Variants in CPAMD8 observed in about 807,000 individuals in gnomAD.
CPAMD8 encodes the protein C3 and PZP like alpha-2-macroglobulin domain containing 8, also known as C3 and PZP-like alpha-2-macroglobulin domain-containing protein 8.
In CPAMD8, 146 loss-of-function variants were observed where a neutral mutation model predicts 224.7. The observed-to-expected ratio is 0.65, with a 90% confidence interval of 0.57 to 0.75. The LOEUF (loss-of-function observed/expected upper bound fraction) is 0.75, where lower values mean the gene tolerates loss of function less well. Ranked by LOEUF, CPAMD8 falls within the 30% of genes least tolerant of loss-of-function variation. The pLI, the probability that CPAMD8 is intolerant of heterozygous loss-of-function variation, is 0.00. For missense variants in CPAMD8, 2,301 were observed against 2,537.5 expected (o/e 0.91, Z 2.00); for synonymous variants, 966 against 1,044.6 (o/e 0.92, Z 1.45).
At chr19:16,961,856 T>G (rs1568533030) in intron 18 of CPAMD8, among the ~76,000 whole-genome samples, 1 of 152,182 alleles carries the variant, frequency 6.6e-6, no homozygotes, top group Non-Finnish European at 1.5e-5. Flanking sequence ...TTCTGCAATA[T>G]TTGCTGTTCT....
chr19:16,955,436 A>T (rs887113039), intron 19 of CPAMD8, among the ~76,000 whole-genome samples: 5 of 152,196 alleles, frequency 3.3e-5, no homozygotes, highest in African/African-American at 9.6e-5. Context: ...AGAATAGTCA[A>T]ACTCAGAGAC....
Position 16,938,389 on chromosome 19 carries a change from A to G in CPAMD8, c.2845+6T>C. Reference sequence around the variant, plus strand: ...CACCTTAGCAGAATGGGCACGGGGGACTCACCACTGGGACAGAAGAATGCG... The same window carrying G: ...CACCTTAGCAGAATGGGCACGGGGGGCTCACCACTGGGACAGAAGAATGCG... On this transcript the variant is annotated splice_donor_region_variant and intron_variant, in intron 23 of 41. Transcript: ENST00000443236. The G allele has an allele frequency of 1.3e-6, 2 of 1,532,850 alleles. No homozygotes were observed. Among genetic ancestry groups the G allele is most frequent in the Non-Finnish European group, 1.8e-6 (2 of 1,140,188 alleles). 95.0% of individuals were successfully genotyped at this position (1,532,850 alleles called of 1,614,324 possible).
chr19:16,977,284 G>A, intron 15 of CPAMD8, 84 bp downstream of exon 15: 2 of 826,894 alleles, frequency 2.4e-6, no homozygotes, highest in Non-Finnish European at 4.1e-6. Flanking sequence ...TGAGTCTCAG[G>A]TGTGCACAGA....
intron 7 of CPAMD8, among the ~76,000 whole-genome samples, chr19:17,007,535 A>T (rs1051255183): frequency 6.6e-5 from 10 of 151,954 alleles, no homozygotes; most frequent in Admixed American, 2.0e-4. Flanking sequence ...AGGAAGATGA[A>T]GAAGAAGAAA....
At position 16,914,607 on chromosome 19, in the gene CPAMD8, C is replaced by T. The variant is rs2052866061; in HGVS notation, c.3786+50G>A. The T allele has an allele frequency of 3.7e-6, 6 of 1,613,288 alleles. No individual in the cohort carries two copies. In the East Asian group the frequency reaches 8.9e-5, roughly 24 times the overall value. On this transcript the variant is annotated intron_variant, in intron 28 of 41. Coordinates refer to ENST00000443236, the MANE Select transcript of CPAMD8 (RefSeq NM_015692.5). Reference sequence around the variant, plus strand: ...AGGAACAGGCAGGTCAGGGCTGGGGCTCTGGGAGGAGGTGAGGGGCCCGGG... The same window carrying T: ...AGGAACAGGCAGGTCAGGGCTGGGGTTCTGGGAGGAGGTGAGGGGCCCGGG...
chr19:16,988,532 C>A (rs1462010243), intron 13 of CPAMD8, among the ~76,000 whole-genome samples: 2 of 152,060 alleles, frequency 1.3e-5, no homozygotes, highest in African/African-American at 4.8e-5. Flanking sequence ...ATCACTTGAA[C>A]CCTGGAGACG....
rs45485597 is a variant in CPAMD8, at chr19:16,914,501, G to A, written c.3787-3C>T. 117,787 of 1,613,372 alleles carry A rather than the reference G, an allele frequency of 0.073. 7,630 individuals are homozygous for A. The highest frequency in any genetic ancestry group is 0.33 in the African/African-American group (24,716 of 74,892). On this transcript the variant is annotated splice_region_variant and splice_polypyrimidine_tract_variant and intron_variant, in intron 28 of 41. Transcript: ENST00000443236. ...GGGACAGTGCCGTGGATCCCACCCTGCAAGGGGACTCACAGGCCTCACCCT... is the reference window on the plus strand; with the variant it reads ...GGGACAGTGCCGTGGATCCCACCCTACAAGGGGACTCACAGGCCTCACCCT...
rs1331312930 is a variant in CPAMD8, at chr19:16,942,989, ACTTTTTT to A, written c.2793+2553_2793+2559del. ...TACACCATGTGGCCTTTTGTGTTTG[ACTTTTTT>A]CTTTTTTCTTTTTTCTTTTTTTTTT... On this transcript the variant is annotated intron_variant, in intron 22 of 41. Coordinates refer to ENST00000443236, the MANE Select transcript of CPAMD8 (RefSeq NM_015692.5). 9.7e-3 allele frequency among the ~76,000 whole-genome samples: 1,395 copies of A among 144,272 alleles called. 8 individuals carry two copies. The highest frequency in any genetic ancestry group is 0.017 in the African/African-American group (649 of 38,594). The allele number at this position is 144,272 out of a possible 152,430, so 94.6% of individuals were successfully genotyped here.
chr19:16,944,389 C>A (rs560425714), intron 22 of CPAMD8, among the ~76,000 whole-genome samples: 1 of 152,190 alleles, frequency 6.6e-6, no homozygotes, highest in Non-Finnish European at 1.5e-5. Flanking sequence ...GACAGTTCTG[C>A]GGCATGGATG....
rs2051973825 is a variant in CPAMD8 at position 16,896,161 on chromosome 19, G to T, written c.5426+15C>A. ...AGCCTATGTCTCTTATCTCTGGGGTGGGCCCAGCTGTTACCTGTCCTCCGC... is the reference window on the plus strand; with the variant it reads ...AGCCTATGTCTCTTATCTCTGGGGTTGGCCCAGCTGTTACCTGTCCTCCGC... On this transcript the variant is annotated intron_variant, in intron 41 of 41. Coordinates refer to ENST00000443236, the MANE Select transcript of CPAMD8 (RefSeq NM_015692.5). 2 of 1,613,316 alleles carry T rather than the reference G, an allele frequency of 1.2e-6. No individual in the cohort carries two copies. Among genetic ancestry groups the T allele is most frequent in the Admixed American group, 1.7e-5 (1 of 59,992 alleles).
chr19:16,907,202 G>A, intron 29 of CPAMD8, 85 bp from the exon 30 acceptor site: 2 of 1,410,402 alleles, frequency 1.4e-6, no homozygotes, highest in Non-Finnish European at 1.8e-6. Flanking sequence ...GCATCCCCGA[G>A]GAGAGCTCTG....
rs115514048 is a variant in CPAMD8, at chr19:16,945,747, T to A, written c.2663-68A>T. 1,424 of 1,453,776 alleles carry A rather than the reference T, an allele frequency of 9.8e-4. 13 individuals are homozygous for A. The African/African-American group carries it at 0.017, about 18-fold the overall frequency. The allele number at this position is 1,453,776 out of a possible 1,614,324, so 90.1% of individuals were successfully genotyped here. A position where few individuals can be genotyped will look rare whatever the true frequency, so the allele number is the denominator to read the frequency against. ...CAAGATGGGGGCTGTCCCATCCCTATCCTTATCCCAGATGTGTGTGCATGC... is the reference window on the plus strand; with the variant it reads ...CAAGATGGGGGCTGTCCCATCCCTAACCTTATCCCAGATGTGTGTGCATGC... On this transcript the variant is annotated intron_variant, in intron 21 of 41. Coordinates refer to ENST00000443236, the MANE Select transcript of CPAMD8 (RefSeq NM_015692.5).
chr19:16,915,880 TTTTCTTTCTTTTTC>T (rs1294763678), intron 27 of CPAMD8, among the ~76,000 whole-genome samples: 1 of 151,082 alleles, frequency 6.6e-6, no homozygotes, highest in African/African-American at 2.4e-5. Context: ...TCTTTCTCTC[TTTTCTTTCTTTTTC>T]TTTCTTTCTT....
At chr19:16,913,195 CA>C (rs1313687443) in intron 29 of CPAMD8, among the ~76,000 whole-genome samples, 3 of 152,020 alleles carry the variant, frequency 2.0e-5, no homozygotes, top group East Asian at 3.9e-4. Context: ...CATATTTGAC[CA>C]CTTCCATGGG....
chr19:16,898,388 C>T lies in CPAMD8; in HGVS notation c.4849-394G>A, dbSNP rs759771019. Among the ~76,000 whole-genome samples the T allele has an allele frequency of 1.3e-5, 2 of 152,014 alleles. No homozygotes were observed. Among genetic ancestry groups the T allele is most frequent in the Admixed American group, 6.6e-5 (1 of 15,266 alleles). On this transcript the variant is annotated intron_variant, in intron 37 of 41. Coordinates refer to ENST00000443236, the MANE Select transcript of CPAMD8 (RefSeq NM_015692.5). The surrounding 1 kb of genome is among the most constrained non-coding windows in gnomAD (Gnocchi z 4.2). ...CTCCAACTCCTGCCCTCAAGTGATC[C>T]GCCTCGGTCCCATTTTTTATTCTTT... is the stretch of plus-strand genomic sequence containing the variant.
At chr19:17,021,175 G>A (rs971537025) in intron 2 of CPAMD8, among the ~76,000 whole-genome samples, 6 of 152,322 alleles carry the variant, frequency 3.9e-5, no homozygotes, top group Admixed American at 2.0e-4. Flanking sequence ...CTGATCTTAA[G>A]GAGAGACCTG....
At chr19:16,948,207 T>A (rs2054170701) in intron 20 of CPAMD8, among the ~76,000 whole-genome samples, 1 of 152,188 alleles carries the variant, frequency 6.6e-6, no homozygotes, top group South Asian at 2.1e-4. Flanking sequence ...CCGCTAGGAA[T>A]TAAAGAAATG....
chr19:17,019,118 ATGTTT>A (rs897724605), intron 3 of CPAMD8, among the ~76,000 whole-genome samples: 3 of 151,836 alleles, frequency 2.0e-5, no homozygotes, highest in Admixed American at 6.6e-5. Context: ...TTCTTTTGTT[ATGTTT>A]TGTTTTGTTT....
Position 16,977,399 on chromosome 19 carries a change from T to C in CPAMD8, c.1727A>G (p.Gln576Arg). Residue 576 changes from glutamine (Q) to arginine (R), a missense_variant, in exon 15 of 42, where the codon CAG (glutamine) becomes CGG (arginine). Around this residue, in one of 4 missense-constraint regions of CPAMD8, gnomAD observed 301 missense variants for 406.6 expected, o/e 0.74. Transcript: ENST00000443236. Reference sequence around the variant, plus strand: ...TTCGAAGAAGGTCTCGACTGCAAACTGAAGGCTGTCGGCGACCCCTTCTCC... The same window carrying C: ...TTCGAAGAAGGTCTCGACTGCAAACCGAAGGCTGTCGGCGACCCCTTCTCC... Reference protein sequence around the residue: ...ENGEGVADSLQFAVETFFENQ... With the variant: ...ENGEGVADSLRFAVETFFENQ... The C allele has an allele frequency of 6.2e-7, 1 of 1,612,572 alleles. No individual in the cohort carries two copies. The highest frequency in any genetic ancestry group is 8.5e-7 in the Non-Finnish European group (1 of 1,179,360).
Sources: gnomAD v4.1 joint callset for allele counts (sites outside exome capture counted in the v4.1 genomes callset) on GRCh38, gnomAD v4.1.1 for gene constraint, gnomAD v4.1.1 regional missense constraint, Gnocchi (gnomAD v3.1) non-coding constraint, MANE v1.5 for transcripts, NCBI Gene and HGNC (gene_info 2026-07-23, HGNC 2026-07-21) for gene names.